The following SPOCD1 variants were observed in gnomAD, a reference collection of about 807,000 sequenced individuals.
The protein encoded by SPOCD1 is SPOC domain containing 1.
Under a neutral mutation model 92.2 loss-of-function variants are expected in SPOCD1, and 64 were observed. That is an observed-to-expected ratio of 0.69 (90% CI 0.57 to 0.86). The LOEUF (loss-of-function observed/expected upper bound fraction) is 0.86. Among genes scored for constraint, SPOCD1 ranks in the 40% least tolerant of loss-of-function variants. SPOCD1 has a pLI of 0.00. For missense variants in SPOCD1, 1,360 were observed against 1,543.1 expected, an observed-to-expected ratio of 0.88 and a Z score of 1.99; for synonymous variants, 578 against 619.3, an observed-to-expected ratio of 0.93 and a Z score of 0.99.
chr1:31,799,604 C>A lies in SPOCD1; in HGVS notation c.1784-119G>T. On this transcript the variant is annotated intron_variant, in intron 6 of 15. Coordinates refer to ENST00000360482, the MANE Select transcript of SPOCD1 (RefSeq NM_144569.7). ...GGGTCCCACCCTCAAAGACCTAGAC[C>A]CCTCCCTCTATCCATCTGGGAGCCA... 2.7e-6 allele frequency: 3 copies of A among 1,095,872 alleles called. 1 individual carries two copies. The Admixed American group carries it at 6.4e-5, about 23-fold the overall frequency. The allele number at this position is 1,095,872 out of a possible 1,614,324, so 67.9% of individuals were successfully genotyped here. A position where few individuals can be genotyped will look rare whatever the true frequency, so the allele number is the denominator to read the frequency against.
chr1:31,814,905 T>G lies in SPOCD1; in HGVS notation c.429A>C (p.Pro143=), dbSNP rs755887013. 2 of 1,613,660 alleles carry G rather than the reference T, an allele frequency of 1.2e-6. No homozygotes were observed. The highest frequency in any genetic ancestry group is 2.7e-5 in the African/African-American group (2 of 74,898). ...RKLCSRSAGL[P]ERALACRERL... is the part of the protein sequence containing the mutation. The stretch of plus-strand genomic sequence containing the variant: ...TCTCCCTGCAGGCCAGAGCTCTCTC[T>G]GGGAGGCCAGCAGACCTGCTACAAA... Residue 143 remains proline, a synonymous_variant, in exon 2 of 16, where the codon CCA becomes CCC. Coordinates refer to ENST00000360482, the MANE Select transcript of SPOCD1 (RefSeq NM_144569.7). The surrounding 1 kb of genome is among the most constrained non-coding windows in gnomAD (Gnocchi z 4.2).
Position 31,790,780 on chromosome 1 carries a change from G to A in SPOCD1, c.3474C>T (p.Thr1158=), listed in dbSNP as rs961650548. 2.6e-6 allele frequency: 4 copies of A among 1,548,962 alleles called. No homozygotes were observed. Among genetic ancestry groups the A allele is most frequent in the Non-Finnish European group, 3.5e-6 (4 of 1,145,590 alleles). ...ALLRHLESLA[T]MSHQLQALLC... Reference sequence around the variant, plus strand: ...GTAAGGCTTGGAGCTGGTGACTCATGGTCGCCAGGGATTCGAGGTGCCGGA... The same window carrying A: ...GTAAGGCTTGGAGCTGGTGACTCATAGTCGCCAGGGATTCGAGGTGCCGGA... The change falls in exon 16 of 16, where the codon ACC becomes ACT. Residue 1158 remains threonine, a synonymous_variant. Transcript: ENST00000360482.
At position 31,799,410 on chromosome 1, in the gene SPOCD1, A is replaced by T; in HGVS notation, c.1859T>A (p.Leu620Gln). ...GGGAGCAAGGCCTCACCGAGTCCAT[A>T]GTACCTCCTGCATGGAACGGACAAC... Reference protein sequence around the residue: ...GTVVRSMQEVLWTRLRELPDP... With the variant: ...GTVVRSMQEVQWTRLRELPDP... The change falls in exon 7 of 16, where the codon CTA becomes CAA. Residue 620 changes from leucine to glutamine, a missense_variant. Physicochemically the swap from Leu to Gln is moderately radical, Grantham distance 113 (BLOSUM62 -2). Around this residue, in one of 3 missense-constraint regions of SPOCD1, gnomAD observed 606 missense variants for 601.5 expected, o/e 1.01. Coordinates refer to ENST00000360482, the MANE Select transcript of SPOCD1 (RefSeq NM_144569.7). The T allele has an allele frequency of 6.2e-7, 1 of 1,609,948 alleles. No individual in the cohort carries two copies. Among genetic ancestry groups the T allele is most frequent in the Non-Finnish European group, 8.5e-7 (1 of 1,178,362 alleles).
At chr1:31,800,670 C>A in intron 3 of SPOCD1, 53 bp from the exon 4 acceptor site, 1 of 1,451,426 alleles carries the variant, frequency 6.9e-7, no homozygotes, top group Non-Finnish European at 9.3e-7. Context: ...CTGTCCCCGC[C>A]TTCAGAGTGC....
intron 2 of SPOCD1, among the ~76,000 whole-genome samples, chr1:31,811,797 T>G (rs960711264): frequency 6.6e-6 from 1 of 152,236 alleles, no homozygotes; most frequent in Admixed American, 6.5e-5. Context: ...GGCAACGAGT[T>G]GTTTGGAAAG....
At position 31,792,346 on chromosome 1, in the gene SPOCD1, C is replaced by T. The variant is rs759198491; in HGVS notation, c.2831G>A (p.Arg944His). 14 of 1,614,016 alleles carry T rather than the reference C, an allele frequency of 8.7e-6. No individual in the cohort carries two copies. The highest frequency in any genetic ancestry group is 1.2e-5 in the Non-Finnish European group (14 of 1,180,020). Residue 944 changes from arginine (R) to histidine (H), a missense_variant, in exon 15 of 16, where the codon CGC becomes CAC. Coordinates refer to ENST00000360482, the MANE Select transcript of SPOCD1 (RefSeq NM_144569.7). ...ATCATTGAGGTATGAGTAGAGCAGGCGGCAGTTCTGGGTGTCCCGGGCCCC... is the reference window on the plus strand; with the variant it reads ...ATCATTGAGGTATGAGTAGAGCAGGTGGCAGTTCTGGGTGTCCCGGGCCCC... ...PHGARDTQNC[R>H]LLYSYLNDRQ...
intron 12 of SPOCD1, 76 bp from the exon 13 acceptor site, chr1:31,793,504 A>G: frequency 6.5e-7 from 1 of 1,536,124 alleles, no homozygotes; most frequent in Non-Finnish European, 8.8e-7. Flanking sequence ...TTCTTTTCAG[A>G]GCAGATCCTG....
Position 31,791,234 on chromosome 1 carries a change from G to A in SPOCD1, c.3020C>T (p.Ser1007Leu). Residue 1007 changes from serine to leucine, a missense_variant, in exon 16 of 16, where the codon TCA becomes TTA. Physicochemically the swap from Ser to Leu is moderately radical, Grantham distance 145. Transcript: ENST00000360482. ...LLSPGLEVTH[S>L]SLLLAVLLPK... Reference sequence around the variant, plus strand: ...GAGCAGCACAGCCAGCAACAGACTTGAGTGAGTGACCTCCAGACCTGGGGA... The same window carrying A: ...GAGCAGCACAGCCAGCAACAGACTTAAGTGAGTGACCTCCAGACCTGGGGA... The A allele has an allele frequency of 1.9e-6, 3 of 1,592,652 alleles. No individual in the cohort carries two copies. Among genetic ancestry groups the A allele is most frequent in the East Asian group, 2.2e-5 (1 of 44,530 alleles).
intron 2 of SPOCD1, among the ~76,000 whole-genome samples, chr1:31,805,192 G>T (rs1236048438): frequency 6.6e-6 from 1 of 151,572 alleles, no homozygotes; most frequent in Non-Finnish European, 1.5e-5. Flanking sequence ...CACCGTGTTA[G>T]CCAGGATGGT....
intron 10 of SPOCD1, chr1:31,795,622 C>G (rs1289476320): frequency 6.6e-6 from 1 of 152,004 alleles, no homozygotes; most frequent in Non-Finnish European, 1.5e-5. Flanking sequence ...GACTGAGGAG[C>G]AGCCACACCC....
rs763911539 is a variant in SPOCD1, at chr1:31,792,368, C to A, written c.2809G>T (p.Ala937Ser). 5.0e-6 allele frequency: 8 copies of A among 1,613,764 alleles called. No individual in the cohort carries two copies. The highest frequency in any genetic ancestry group is 6.8e-6 in the Non-Finnish European group (8 of 1,180,014). Reference protein sequence around the residue: ...VCVVRLCPHGARDTQNCRLLY... With the variant: ...VCVVRLCPHGSRDTQNCRLLY... ...AGGCGGCAGTTCTGGGTGTCCCGGG[C>A]CCCATGTGGGCACAGTCTGACCACG... The change falls in exon 15 of 16, where the codon GCC (alanine) becomes TCC (serine). Residue 937 changes from alanine (A) to serine (S), a missense_variant. Around this residue, in one of 3 missense-constraint regions of SPOCD1, gnomAD observed 614 missense variants for 757.8 expected, o/e 0.81. Transcript: ENST00000360482.
At position 31,814,826 on chromosome 1, in the gene SPOCD1, C is replaced by T. The variant is rs746057784; in HGVS notation, c.508G>A (p.Gly170Ser). The change falls in exon 2 of 16, where the codon GGT becomes AGT. Residue 170 changes from glycine (G) to serine (S), a missense_variant. Transcript: ENST00000360482. The surrounding 1 kb of genome is among the most constrained non-coding windows in gnomAD (Gnocchi z 4.2). ...SCLRPREARD[G>S]GMSSPGCDRR... ...TCACACCCTGGAGAACTCATTCCAC[C>T]GTCTCTGGCCTCCCTGGGCCTGAGG... 29 of 1,612,322 alleles carry T rather than the reference C, an allele frequency of 1.8e-5. No homozygotes were observed. The highest frequency in any genetic ancestry group is 2.1e-5 in the Non-Finnish European group (25 of 1,179,348).
At chr1:31,810,725 T>C (rs1476095415) in intron 2 of SPOCD1, among the ~76,000 whole-genome samples, 1 of 152,216 alleles carries the variant, frequency 6.6e-6, no homozygotes, top group Non-Finnish European at 1.5e-5. Context: ...GTAGGCACAC[T>C]AATGAAACGA....
At chr1:31,815,509 C>T (rs114034801) in intron 1 of SPOCD1, 137 bp from the exon 2 acceptor site, 15,219 of 538,270 alleles carry the variant, frequency 0.028, 282 homozygotes, top group Non-Finnish European at 0.036. Flanking sequence ...GGTGAGCACT[C>T]CAGGGAGGGG....
chr1:31,793,932 C>G (rs1647804758), intron 11 of SPOCD1, 35 bp from the exon 12 acceptor site: 3 of 1,593,386 alleles, frequency 1.9e-6, no homozygotes, highest in Non-Finnish European at 2.6e-6. Flanking sequence ...GAAACAGGGG[C>G]AGCAGCAGCG....
chr1:31,813,253 G>T (rs1649320094), intron 2 of SPOCD1, among the ~76,000 whole-genome samples: 2 of 152,180 alleles, frequency 1.3e-5, no homozygotes, highest in East Asian at 3.9e-4. Context: ...GCCTTGTGCT[G>T]TGCTAGGCAC....
chr1:31,813,799 G>C, intron 2 of SPOCD1, 152 bp downstream of exon 2: 1 of 618,748 alleles, frequency 1.6e-6, no homozygotes, highest in East Asian at 3.0e-5. Flanking sequence ...TTCCCAGTTT[G>C]TGGGCCTCAT....
chr1:31,797,867 G>A (rs752566736), intron 9 of SPOCD1, among the ~76,000 whole-genome samples: 2 of 152,182 alleles, frequency 1.3e-5, no homozygotes, highest in Non-Finnish European at 2.9e-5. Context: ...GGCATCTGAA[G>A]CTGGGATCGG....
chr1:31,799,394 G>A lies in SPOCD1; in HGVS notation c.1868+7C>T, dbSNP rs190957815. ...GGATGTCAGGGGAGTGGGGAGCAAG[G>A]CCTCACCGAGTCCATAGTACCTCCT... is the stretch of plus-strand genomic sequence containing the variant. On this transcript the variant is annotated splice_region_variant and intron_variant, in intron 7 of 15. Coordinates refer to ENST00000360482, the MANE Select transcript of SPOCD1 (RefSeq NM_144569.7). The A allele has an allele frequency of 0.016, 26,217 of 1,604,232 alleles. 239 individuals carry two copies. Among genetic ancestry groups the A allele is most frequent in the Non-Finnish European group, 0.02 (22,973 of 1,175,418 alleles).
Sources: allele counts gnomAD v4.1 joint callset (sites outside exome capture counted in the v4.1 genomes callset), GRCh38; gene constraint gnomAD v4.1.1; regional missense constraint gnomAD v4.1.1; non-coding constraint Gnocchi (gnomAD v3.1); transcripts MANE v1.5; gene names NCBI Gene and HGNC (gene_info 2026-07-23, HGNC 2026-07-21).